JAK2: variants seen among roughly 807,000 people sequenced by gnomAD.
JAK2 encodes tyrosine-protein kinase JAK2.
In JAK2, 86 loss-of-function variants were observed where a neutral mutation model predicts 139.3. The observed-to-expected ratio is 0.62, with a 90% confidence interval of 0.52 to 0.74. JAK2 has a LOEUF of 0.74. Ranked by LOEUF, JAK2 falls within the 30% of genes least tolerant of loss-of-function variation. JAK2 has a pLI of 0.00. For synonymous variants in JAK2, 490 were observed against 437.7 expected (o/e 1.12, Z -1.49); for missense variants, 1,421 against 1,360.3 (o/e 1.04, Z -0.70).
intron 23 of JAK2, among the ~76,000 whole-genome samples, chr9:5,124,261 G>C (rs1586844603): frequency 6.6e-6 from 1 of 151,634 alleles, no homozygotes; most frequent in East Asian, 1.9e-4. Flanking sequence ...TGCTTTTGAG[G>C]TCTTTGCCAT....
At chr9:5,086,121 GGCGC>G in intron 19 of JAK2, 2 of 434,878 alleles carry the variant, frequency 4.6e-6, no homozygotes, top group South Asian at 5.3e-5. Context: ...CATCGGCAGC[GGCGC>G]GCGGCCCCGG....
At chr9:5,030,032 GA>G in intron 4 of JAK2, 126 bp downstream of exon 4, 1 of 714,876 alleles carries the variant, frequency 1.4e-6, no homozygotes, top group Middle Eastern at 3.3e-4. Context: ...ACTCATTTAA[GA>G]TTTCATTTAA....
At chr9:5,006,229 C>G (rs1319313146) in intron 2 of JAK2, among the ~76,000 whole-genome samples, 2 of 152,042 alleles carry the variant, frequency 1.3e-5, no homozygotes, top group Non-Finnish European at 2.9e-5. Flanking sequence ...AAGTTGGATT[C>G]CTAGGTATTT....
At chr9:5,093,427 T>G (rs1365960651) in intron 22 of JAK2, among the ~76,000 whole-genome samples, 1 of 152,132 alleles carries the variant, frequency 6.6e-6, no homozygotes, top group African/African-American at 2.4e-5. Context: ...AATGGCCACA[T>G]GAGGGTTCAG....
intron 22 of JAK2, among the ~76,000 whole-genome samples, chr9:5,119,276 A>T (rs1483817959): frequency 2.0e-5 from 3 of 152,140 alleles, no homozygotes; most frequent in Admixed American, 6.5e-5. Flanking sequence ...AAAACCTGAG[A>T]AACAAATGAC....
chr9:5,096,307 T>G (rs1364292725), intron 22 of JAK2, among the ~76,000 whole-genome samples: 1 of 152,188 alleles, frequency 6.6e-6, no homozygotes, highest in Admixed American at 6.5e-5. Flanking sequence ...AAACCCTTAG[T>G]AAATGAATTA....
At chr9:5,027,521 G>A (rs1298638119) in intron 3 of JAK2, among the ~76,000 whole-genome samples, 2 of 152,130 alleles carry the variant, frequency 1.3e-5, no homozygotes, top group African/African-American at 2.4e-5. Context: ...AGGTTGGGTG[G>A]CTATGGCAAT....
chr9:5,111,954 TCCAGC>T (rs1822606061), intron 22 of JAK2: 1 of 348,446 alleles, frequency 2.9e-6, no homozygotes, highest in Non-Finnish European at 5.7e-6. Flanking sequence ...TAACTTGTGG[TCCAGC>T]CCCTCCACCG....
Position 5,101,269 on chromosome 9 carries a change from C to T in JAK2, c.3059+10358C>T, listed in dbSNP as rs538484742. Among the ~76,000 whole-genome samples, 45 of 152,372 alleles carry T rather than the reference C, an allele frequency of 3.0e-4. No homozygotes were observed. In the South Asian group the frequency reaches 6.0e-3, roughly 20 times the overall value. On this transcript the variant is annotated intron_variant, in intron 22 of 24. Transcript: ENST00000381652. ...TGGCAGGTCCCACACCCACGGAGCCCTGCTCACTGCTAGCACAGCAGCCTA... is the reference window on the plus strand; with the variant it reads ...TGGCAGGTCCCACACCCACGGAGCCTTGCTCACTGCTAGCACAGCAGCCTA...
At chr9:4,990,172 T>A (rs1457633484) in intron 2 of JAK2, among the ~76,000 whole-genome samples, 1 of 152,166 alleles carries the variant, frequency 6.6e-6, no homozygotes, top group Admixed American at 6.5e-5. Flanking sequence ...AAGATTACCT[T>A]ACCTTGAAGG....
intron 12 of JAK2, among the ~76,000 whole-genome samples, chr9:5,072,078 G>A (rs1012813514): frequency 6.6e-6 from 1 of 152,094 alleles, no homozygotes; most frequent in Non-Finnish European, 1.5e-5. Flanking sequence ...AGATTAAATA[G>A]CCTGTACAAG....
In JAK2 at chr9:5,129,590, C is replaced by G. The variant is rs1269861662; in HGVS notation, c.*2799C>G. On this transcript the variant is annotated 3_prime_UTR_variant, in exon 25 of 25. Coordinates refer to ENST00000381652, the MANE Select transcript of JAK2 (RefSeq NM_004972.4). ...AGTAACAGTAAGTCAGCAGGATTAT[C>G]CAAACAAAAGACTAGGTTTTATGAG... 6.6e-6 allele frequency among the ~76,000 whole-genome samples: 1 copy of G among 151,904 alleles called. No homozygotes were observed. Among genetic ancestry groups the G allele is most frequent in the African/African-American group, 2.4e-5 (1 of 41,354 alleles).
Position 5,054,454 on chromosome 9 carries a change from A to G in JAK2, c.615-109A>G. The G allele has an allele frequency of 2.4e-6, 2 of 822,626 alleles. No homozygotes were observed. Among genetic ancestry groups the G allele is most frequent in the East Asian group, 5.1e-5 (2 of 39,452 alleles). 51.0% of individuals were successfully genotyped at this position (822,626 alleles called of 1,614,324 possible). On this transcript the variant is annotated intron_variant, in intron 6 of 24. Coordinates refer to ENST00000381652, the MANE Select transcript of JAK2 (RefSeq NM_004972.4). This position sits in a 1 kb window ranked among gnomAD's most constrained non-coding sequence, Gnocchi z 4.9. Reference sequence around the variant, plus strand: ...TTACGCCACTTGGCCACTGTGTTGTAAGGCCTACTTAATCATGGAAAAAGG... The same window carrying G: ...TTACGCCACTTGGCCACTGTGTTGTGAGGCCTACTTAATCATGGAAAAAGG...
At chr9:5,028,994 T>C (rs149578105) in intron 3 of JAK2, among the ~76,000 whole-genome samples, 108 of 152,338 alleles carry the variant, frequency 7.1e-4, no homozygotes, top group African/African-American at 2.5e-3. Context: ...TCAAAAACTT[T>C]TTCTTTGCAT....
chr9:5,014,834 T>A (rs1368939318), intron 2 of JAK2, among the ~76,000 whole-genome samples: 1 of 152,200 alleles, frequency 6.6e-6, no homozygotes, highest in Admixed American at 6.5e-5. Flanking sequence ...TGCACCTACA[T>A]ATGTGTTTCT....
At chr9:5,092,888 C>G (rs1028621384) in intron 22 of JAK2, among the ~76,000 whole-genome samples, 1 of 152,152 alleles carries the variant, frequency 6.6e-6, no homozygotes, top group Admixed American at 6.5e-5. Context: ...AACTGTTAAT[C>G]TAAAGAGGGA....
At chr9:5,044,185 AG>A (rs1249214731) in intron 4 of JAK2, among the ~76,000 whole-genome samples, 1 of 152,202 alleles carries the variant, frequency 6.6e-6, no homozygotes, top group Non-Finnish European at 1.5e-5. Flanking sequence ...GCACTGAAGG[AG>A]GTAGTATATT....
chr9:5,041,563 C>T (rs994850759), intron 4 of JAK2: 5 of 521,332 alleles, frequency 9.6e-6, no homozygotes, highest in African/African-American at 1.9e-5. Flanking sequence ...GAGATGGCTA[C>T]GTACCTGCAC....
intron 22 of JAK2, among the ~76,000 whole-genome samples, chr9:5,117,088 C>T (rs1282799059): frequency 1.3e-5 from 2 of 152,216 alleles, no homozygotes; most frequent in African/African-American, 2.4e-5. Context: ...CGGCATTCCT[C>T]TCCTCTAAAA....
Sources: gnomAD v4.1 joint callset for allele counts (sites outside exome capture counted in the v4.1 genomes callset) on GRCh38, gnomAD v4.1.1 for gene constraint, Gnocchi (gnomAD v3.1) non-coding constraint, MANE v1.5 for transcripts, NCBI Gene and HGNC (gene_info 2026-07-23, HGNC 2026-07-21) for gene names.